Variants in SRRM4 observed in about 807,000 individuals in gnomAD.
The protein encoded by SRRM4 is serine/arginine repetitive matrix protein 4.
Under a neutral mutation model 68.9 loss-of-function variants are expected in SRRM4, and 33 were observed. The observed-to-expected ratio is 0.48, with a 90% confidence interval of 0.36 to 0.64. The LOEUF (loss-of-function observed/expected upper bound fraction) is 0.64, where lower values mean the gene tolerates loss of function less well. Among genes scored for constraint, SRRM4 ranks in the 30% least tolerant of loss-of-function variants. The pLI is 0.00. For missense variants in SRRM4, 817 were observed against 827.1 expected (o/e 0.99, Z 0.15); for synonymous variants, 318 against 318.8 (o/e 1.00, Z 0.03).
At chr12:119,144,720 C>T (rs1954390001) in intron 8 of SRRM4, among the ~76,000 whole-genome samples, 1 of 151,902 alleles carries the variant, frequency 6.6e-6, no homozygotes, top group Non-Finnish European at 1.5e-5. Flanking sequence ...TTTGTCCCCT[C>T]CTTTCTTTTC....
At chr12:118,985,488 A>C (rs1291652115) in intron 1 of SRRM4, among the ~76,000 whole-genome samples, 1 of 152,224 alleles carries the variant, frequency 6.6e-6, no homozygotes, top group Non-Finnish European at 1.5e-5. Context: ...AATGTCTTTA[A>C]AAATGAAAGA....
At position 119,156,731 on chromosome 12, in the gene SRRM4, G is replaced by A. The variant is rs1326520484; in HGVS notation, c.1769G>A (p.Arg590Gln). The A allele has an allele frequency of 1.3e-6, 2 of 1,546,990 alleles. No homozygotes were observed. ...CGGAGCCGGAGCAGGAGCCGGAGCC[G>A]GAGCCGGAGCAGGAGCCAGAGCCGG... ...RSRSRSRSRS[R>Q]SRSRSQSRSY... Residue 590 changes from arginine (R) to glutamine (Q), a missense_variant, in exon 13 of 13, where the codon CGG (arginine) becomes CAG (glutamine). By Grantham distance (43) the Arg-to-Gln change is conservative. Coordinates refer to ENST00000267260, the MANE Select transcript of SRRM4 (RefSeq NM_194286.4).
chr12:119,141,832 CAAAT>C (rs768879093), intron 8 of SRRM4, among the ~76,000 whole-genome samples: 1 of 152,134 alleles, frequency 6.6e-6, no homozygotes, highest in Non-Finnish European at 1.5e-5. Flanking sequence ...CTGTGGCAAA[CAAAT>C]GACACTCATT....
Position 119,094,672 on chromosome 12 carries a change from G to A in SRRM4, c.132-7564G>A, listed in dbSNP as rs971726740. Among the ~76,000 whole-genome samples, 5 of 152,086 alleles carry A rather than the reference G, an allele frequency of 3.3e-5. No individual in the cohort carries two copies. In the South Asian group the frequency reaches 8.3e-4, roughly 25 times the overall value. On this transcript the variant is annotated intron_variant, in intron 1 of 12. Transcript: ENST00000267260. The stretch of plus-strand genomic sequence containing the variant: ...TATTCATCTGCTAGAAACACATTCC[G>A]TGACCACCTGCCCACATTCCCCAGG...
At chr12:119,020,116 G>T (rs1381063970) in intron 1 of SRRM4, among the ~76,000 whole-genome samples, 1 of 151,990 alleles carries the variant, frequency 6.6e-6, no homozygotes, top group Non-Finnish European at 1.5e-5. Flanking sequence ...TCTCAACAGG[G>T]CATCCTCGTG....
intron 1 of SRRM4, among the ~76,000 whole-genome samples, chr12:119,043,559 T>C (rs571433399): frequency 6.7e-6 from 1 of 150,278 alleles, no homozygotes; most frequent in Non-Finnish European, 1.5e-5. Flanking sequence ...TAAAATGAAA[T>C]TGAAAAATAA....
At chr12:119,109,378 G>T (rs1954128280) in intron 2 of SRRM4, among the ~76,000 whole-genome samples, 2 of 152,286 alleles carry the variant, frequency 1.3e-5, no homozygotes, top group African/African-American at 4.8e-5. Flanking sequence ...GCCCCGCTAG[G>T]TTGGGGAAGT....
intron 3 of SRRM4, among the ~76,000 whole-genome samples, chr12:119,116,122 A>AGGGCCC (rs1231419353): frequency 7.9e-5 from 12 of 152,020 alleles, no homozygotes; most frequent in Non-Finnish European, 1.6e-4. Context: ...GTTACCTGAG[A>AGGGCCC]GGGCCCTGTT....
At position 119,106,332 on chromosome 12, in the gene SRRM4, C is replaced by T. The variant is rs545169171; in HGVS notation, c.278+3950C>T. Among the ~76,000 whole-genome samples the T allele has an allele frequency of 1.8e-3, 274 of 152,112 alleles. 2 individuals are homozygous for T. The highest frequency in any genetic ancestry group is 5.9e-3 in the African/African-American group (244 of 41,510). On this transcript the variant is annotated intron_variant, in intron 2 of 12. Transcript: ENST00000267260. ...CATATGAACTTTAAAGTAGTTTTTT[C>T]CAGTTCTGTGGAAAAAGTCATTGGT...
At chr12:119,072,962 C>T (rs1188298019) in intron 1 of SRRM4, among the ~76,000 whole-genome samples, 1 of 152,154 alleles carries the variant, frequency 6.6e-6, no homozygotes, top group African/African-American at 2.4e-5. Context: ...TTCAAAAGTG[C>T]TCACAATCAT....
At chr12:119,137,649 T>C (rs1954339431) in intron 8 of SRRM4, among the ~76,000 whole-genome samples, 1 of 143,150 alleles carries the variant, frequency 7.0e-6, no homozygotes, top group East Asian at 2.1e-4. Context: ...TACTGGAGCT[T>C]CACATTGGAA....
At chr12:119,114,563 T>C (rs1954165577) in intron 3 of SRRM4, among the ~76,000 whole-genome samples, 199 bp downstream of exon 3, 1 of 152,126 alleles carries the variant, frequency 6.6e-6, no homozygotes, top group Non-Finnish European at 1.5e-5. Flanking sequence ...AATATCTACC[T>C]TTTGAGATTT....
At position 119,096,968 on chromosome 12, in the gene SRRM4, G is replaced by A. The variant is rs1340835715; in HGVS notation, c.132-5268G>A. On this transcript the variant is annotated intron_variant, in intron 1 of 12. Transcript: ENST00000267260. ...GCCGGTTGCCATGACTACAGAGACA[G>A]CATCTAAGCTCCAGGTCTCTGATTA... Among the ~76,000 whole-genome samples, 5 of 152,170 alleles carry A rather than the reference G, an allele frequency of 3.3e-5. No individual in the cohort carries two copies. The East Asian group carries it at 9.6e-4, about 29-fold the overall frequency.
intron 1 of SRRM4, among the ~76,000 whole-genome samples, chr12:119,089,963 A>G (rs1954004168): frequency 6.6e-6 from 1 of 152,198 alleles, no homozygotes; most frequent in African/African-American, 2.4e-5. Context: ...CTAAGTCTTG[A>G]TAATATTAAA....
At chr12:118,985,619 G>A (rs549967450) in intron 1 of SRRM4, among the ~76,000 whole-genome samples, 4 of 152,266 alleles carry the variant, frequency 2.6e-5, no homozygotes, top group South Asian at 2.1e-4. Flanking sequence ...AGCATGAATC[G>A]ATAAGATATA....
intron 1 of SRRM4, among the ~76,000 whole-genome samples, chr12:119,028,817 C>G (rs761869175): frequency 6.6e-6 from 1 of 152,094 alleles, no homozygotes; most frequent in Non-Finnish European, 1.5e-5. Flanking sequence ...GAAGAAAAGG[C>G]CTTGAAGGAA....
In SRRM4 at chr12:119,156,645, G is replaced by C. The variant is rs1416596281; in HGVS notation, c.1683G>C (p.Arg561=). 1.9e-6 allele frequency: 3 copies of C among 1,590,508 alleles called. No individual in the cohort carries two copies. Among genetic ancestry groups the C allele is most frequent in the African/African-American group, 1.3e-5 (1 of 74,178 alleles). ...RSRSRSRSRR[R]SRTRTSSSSS... ...GGAGTCGGAGCCGGAGCCGGAGACG[G>C]AGCCGGACCCGCACGAGCAGCAGCT... The change falls in exon 13 of 13, where the codon CGG becomes CGC. Residue 561 remains arginine (R), a synonymous_variant. Transcript: ENST00000267260.
At chr12:119,103,499 T>C (rs1954088813) in intron 2 of SRRM4, among the ~76,000 whole-genome samples, 2 of 152,178 alleles carry the variant, frequency 1.3e-5, no homozygotes, top group Admixed American at 1.3e-4. Context: ...AAATGAAGTC[T>C]ACCCCACCAC....
intron 2 of SRRM4, among the ~76,000 whole-genome samples, chr12:119,105,757 C>T (rs1954103943): frequency 6.6e-6 from 1 of 152,104 alleles, no homozygotes; most frequent in Non-Finnish European, 1.5e-5. Context: ...AAAATTTTCT[C>T]CCATTCTGCA....
Sources: gnomAD v4.1 joint callset for allele counts (sites outside exome capture counted in the v4.1 genomes callset) on GRCh38, gnomAD v4.1.1 for gene constraint, MANE v1.5 for transcripts, NCBI Gene and HGNC (gene_info 2026-07-23, HGNC 2026-07-21) for gene names.